Variants in FMN2 observed in about 807,000 individuals in gnomAD.
The protein encoded by FMN2 is formin-2.
In FMN2, 51 loss-of-function variants were observed where a neutral mutation model predicts 142.3. The ratio of observed to expected loss-of-function variants is 0.36; its 90% CI spans 0.29 to 0.45. The LOEUF is 0.45. Ranked by LOEUF, FMN2 falls within the 20% of genes least tolerant of loss-of-function variation. The pLI is 1.00. For missense variants in FMN2, 1,936 were observed against 2,122.8 expected, an observed-to-expected ratio of 0.91 and a Z score of 1.73; for synonymous variants, 882 against 869.8, an observed-to-expected ratio of 1.01 and a Z score of -0.25.
At chr1:240,395,133 T>C (rs1344611401) in intron 15 of FMN2, among the ~76,000 whole-genome samples, 1 of 152,156 alleles carries the variant, frequency 6.6e-6, no homozygotes, top group East Asian at 1.9e-4. Context: ...CTCCTCTGCC[T>C]GTGCTGTATA....
rs776241077 is a variant in FMN2 at position 240,093,594 on chromosome 1, G to T, written c.1485G>T (p.Arg495=). ...WTEELGARTP[R]VGGSAHLLER... Reference sequence around the variant, plus strand: ...AGGAGCTAGGCGCCCGCACGCCCCGGGTGGGAGGCTCCGCGCACCTGCTGG... The same window carrying T: ...AGGAGCTAGGCGCCCGCACGCCCCGTGTGGGAGGCTCCGCGCACCTGCTGG... Residue 495 remains arginine, a synonymous_variant, in exon 1 of 18, where the codon CGG becomes CGT. Coordinates refer to ENST00000319653, the MANE Select transcript of FMN2 (RefSeq NM_020066.5). The T allele has an allele frequency of 1.7e-5, 25 of 1,440,612 alleles. No homozygotes were observed. Among genetic ancestry groups the T allele is most frequent in the Non-Finnish European group, 2.3e-5 (25 of 1,107,186 alleles). 89.2% of individuals were successfully genotyped at this position (1,440,612 alleles called of 1,614,324 possible). A position where few individuals can be genotyped will look rare whatever the true frequency, so the allele number is the denominator to read the frequency against.
chr1:240,233,289 G>A (rs934724604), intron 6 of FMN2, among the ~76,000 whole-genome samples: 2 of 151,824 alleles, frequency 1.3e-5, no homozygotes, highest in Admixed American at 6.6e-5. Flanking sequence ...GCTGAGGCAG[G>A]AGAATCGCTC....
chr1:240,143,569 T>C (rs1663288786), intron 2 of FMN2: 1 of 1,605,900 alleles, frequency 6.2e-7, no homozygotes, highest in Admixed American at 1.7e-5. Flanking sequence ...CTTCAGCACA[T>C]TCCCAGAGCC....
chr1:240,474,006 C>G (rs993188983), intron 17 of FMN2, 122 bp from the exon 18 acceptor site: 1 of 833,384 alleles, frequency 1.2e-6, no homozygotes, highest in Non-Finnish European at 1.8e-6. Context: ...ACTGGTAGAC[C>G]TTTAACCTTG....
At chr1:240,127,007 G>T (rs1039444283) in intron 2 of FMN2, among the ~76,000 whole-genome samples, 4 of 152,138 alleles carry the variant, frequency 2.6e-5, no homozygotes, top group African/African-American at 9.7e-5. Context: ...AGTCCAAAGG[G>T]CCTTGGAGGA....
In FMN2 at chr1:240,118,389, C is replaced by T. The variant is rs1381831273; in HGVS notation, c.1616-4790C>T. 5.3e-5 allele frequency among the ~76,000 whole-genome samples: 8 copies of T among 152,162 alleles called. 1 individual carries two copies. Among genetic ancestry groups the T allele is most frequent in the South Asian group, 2.1e-4 (1 of 4,812 alleles). On this transcript the variant is annotated intron_variant, in intron 1 of 17. Transcript: ENST00000319653. ...TGGGGCCACTGTGCAAATAAAATGACGCTGCTGGGGCTGCATGCAGAGTGA... is the reference window on the plus strand; with the variant it reads ...TGGGGCCACTGTGCAAATAAAATGATGCTGCTGGGGCTGCATGCAGAGTGA...
chr1:240,469,853 C>T (rs1306902678), intron 16 of FMN2, among the ~76,000 whole-genome samples: 2 of 152,140 alleles, frequency 1.3e-5, no homozygotes, highest in Non-Finnish European at 2.9e-5. Flanking sequence ...TAATGTTGAG[C>T]TGTGCCTAGT....
At chr1:240,467,469 T>G (rs994601211) in intron 16 of FMN2, among the ~76,000 whole-genome samples, 1 of 152,084 alleles carries the variant, frequency 6.6e-6, no homozygotes, top group Non-Finnish European at 1.5e-5. Flanking sequence ...GGTTTCACCA[T>G]GTTGGCCAGG....
chr1:240,269,688 T>C (rs528161950), intron 7 of FMN2, among the ~76,000 whole-genome samples: 3 of 152,178 alleles, frequency 2.0e-5, no homozygotes, highest in South Asian at 4.1e-4. Context: ...ACAGCATATC[T>C]TTCCATTTAT....
chr1:240,442,134 T>C (rs1316684489), intron 16 of FMN2, among the ~76,000 whole-genome samples: 1 of 152,144 alleles, frequency 6.6e-6, no homozygotes, highest in Non-Finnish European at 1.5e-5. Context: ...CTCTATTCTT[T>C]CTCCTCCTTT....
intron 4 of FMN2, among the ~76,000 whole-genome samples, chr1:240,204,133 CT>C (rs559548915): frequency 1.4e-4 from 21 of 148,350 alleles, no homozygotes; most frequent in Admixed American, 2.7e-4. Context: ...AGGGCTACTT[CT>C]TTTTTTTTTA....
intron 6 of FMN2, among the ~76,000 whole-genome samples, chr1:240,228,577 C>T (rs190403183): frequency 3.3e-5 from 5 of 151,806 alleles, no homozygotes; most frequent in Non-Finnish European, 7.4e-5. Flanking sequence ...CCTCATACAC[C>T]GCTGGTGGAA....
At chr1:240,392,962 T>G (rs1259215621) in intron 15 of FMN2, among the ~76,000 whole-genome samples, 1 of 148,690 alleles carries the variant, frequency 6.7e-6, no homozygotes, top group Non-Finnish European at 1.5e-5. Context: ...ATTTCCAGAA[T>G]GGAGACTTGC....
intron 14 of FMN2, 93 bp from the exon 15 acceptor site, chr1:240,392,417 TA>T: frequency 1.1e-6 from 1 of 943,552 alleles, no homozygotes; most frequent in Non-Finnish European, 1.6e-6. Flanking sequence ...AATTAATAAT[TA>T]AAATAAGTTA....
intron 1 of FMN2, among the ~76,000 whole-genome samples, chr1:240,119,534 G>A (rs1461388812): frequency 6.6e-6 from 1 of 152,148 alleles, no homozygotes; most frequent in Non-Finnish European, 1.5e-5. Flanking sequence ...TACAGCTGGG[G>A]GCGAGGTGGC....
Position 240,329,473 on chromosome 1 carries a change from G to A in FMN2, c.4437+5G>A. 1 of 1,612,692 alleles carries A rather than the reference G, an allele frequency of 6.2e-7. No individual in the cohort carries two copies. The highest frequency in any genetic ancestry group is 8.5e-7 in the Non-Finnish European group (1 of 1,179,580). ...TTACTACAGAAATTGTGTGAGGTGA[G>A]TTCTGGTCCAAAGAGAGCTGAACTT... On this transcript the variant is annotated splice_donor_5th_base_variant and intron_variant, in intron 10 of 17. Transcript: ENST00000319653.
intron 15 of FMN2, among the ~76,000 whole-genome samples, chr1:240,436,527 A>G (rs1382198979): frequency 2.6e-5 from 4 of 152,066 alleles, no homozygotes; most frequent in Non-Finnish European, 5.9e-5. Flanking sequence ...ATTTTAAAAA[A>G]TTAGCCGGGC....
chr1:240,359,240 C>T (rs1229521211), intron 14 of FMN2, among the ~76,000 whole-genome samples: 1 of 152,140 alleles, frequency 6.6e-6, no homozygotes, highest in Admixed American at 6.5e-5. Flanking sequence ...AAAGAAAATG[C>T]CATCTTAGCA....
chr1:240,450,536 T>G (rs1352708918), intron 16 of FMN2, among the ~76,000 whole-genome samples: 4 of 152,248 alleles, frequency 2.6e-5, no homozygotes, highest in Admixed American at 6.5e-5. Flanking sequence ...CTTTTAGCAT[T>G]GTCTCCATCC....
Sources: gnomAD v4.1 joint callset for allele counts (sites outside exome capture counted in the v4.1 genomes callset) on GRCh38, gnomAD v4.1.1 for gene constraint, MANE v1.5 for transcripts, NCBI Gene and HGNC (gene_info 2026-07-23, HGNC 2026-07-21) for gene names.